The following GLDN variants were observed in gnomAD, a reference collection of about 807,000 sequenced individuals.
GLDN encodes collomin.
GLDN carries 47 observed loss-of-function variants against 56.5 expected under a neutral mutation model. The observed-to-expected ratio is 0.83, with a 90% CI of 0.66 to 1.06. The LOEUF (loss-of-function observed/expected upper bound fraction) is 1.06, where lower values mean the gene tolerates loss of function less well. Ranked by LOEUF, GLDN falls within the 50% of genes least tolerant of loss-of-function variation. GLDN has a pLI of 0.00. For synonymous variants in GLDN, 332 were observed against 278.8 expected, an observed-to-expected ratio of 1.19 and a Z score of -1.90; for missense variants, 782 against 714.3, an observed-to-expected ratio of 1.09 and a Z score of -1.08.
intron 1 of GLDN, among the ~76,000 whole-genome samples, chr15:51,363,654 A>G (rs901563348): frequency 2.6e-5 from 4 of 152,192 alleles, no homozygotes; most frequent in East Asian, 3.9e-4. Context: ...AATAGATAAT[A>G]GGACCCTAAG....
chr15:51,361,242 C>T (rs551387135), intron 1 of GLDN, among the ~76,000 whole-genome samples: 2 of 152,330 alleles, frequency 1.3e-5, no homozygotes, highest in South Asian at 4.1e-4. Context: ...TGTCATACAA[C>T]TCAAACTTTG....
intron 9 of GLDN, 113 bp downstream of exon 9, chr15:51,401,856 GC>G (rs1023700287): frequency 5.5e-6 from 5 of 914,646 alleles, no homozygotes; most frequent in Non-Finnish European, 8.2e-6. Context: ...TGTCCCTAGG[GC>G]TGACACACTG....
chr15:51,377,623 A>C lies in GLDN; in HGVS notation c.415+123A>C, dbSNP rs546080105. ...ATACATGTTGGTTTACTTTTACCAG[A>C]TGTTTTTAATGAGCTGAAAACCCAT... is the stretch of plus-strand genomic sequence containing the variant. On this transcript the variant is annotated intron_variant, in intron 2 of 9. Transcript: ENST00000335449. The C allele has an allele frequency of 9.5e-6, 6 of 633,586 alleles. No individual in the cohort carries two copies. In the South Asian group the frequency reaches 1.1e-4, roughly 11 times the overall value. The allele number at this position is 633,586 out of a possible 1,614,324, so 39.2% of individuals were successfully genotyped here. A position where few individuals can be genotyped will look rare whatever the true frequency, so the allele number is the denominator to read the frequency against.
intron 1 of GLDN, among the ~76,000 whole-genome samples, chr15:51,375,290 T>C (rs1196572174): frequency 1.3e-5 from 2 of 152,158 alleles, no homozygotes; most frequent in Non-Finnish European, 2.9e-5. Flanking sequence ...TTAGTACAGC[T>C]CCCTTCCACC....
chr15:51,355,003 G>A (rs2037146944), intron 1 of GLDN, among the ~76,000 whole-genome samples: 1 of 152,210 alleles, frequency 6.6e-6, no homozygotes, highest in African/African-American at 2.4e-5. Flanking sequence ...CAAAAGAGAA[G>A]CTTGAATTAA....
At chr15:51,361,807 G>A (rs1307623087) in intron 1 of GLDN, among the ~76,000 whole-genome samples, 1 of 152,170 alleles carries the variant, frequency 6.6e-6, no homozygotes, top group Non-Finnish European at 1.5e-5. Context: ...GCGCATGCTT[G>A]TAATTCCAGC....
At chr15:51,353,714 TA>T (rs1555401993) in intron 1 of GLDN, among the ~76,000 whole-genome samples, 3,097 of 72,112 alleles carry the variant, frequency 0.043, 125 homozygotes, top group African/African-American at 0.12. Context: ...CGGATTTGAT[TA>T]AAAAAAAAAA....
chr15:51,358,770 A>C (rs2037235171), intron 1 of GLDN, among the ~76,000 whole-genome samples: 1 of 152,136 alleles, frequency 6.6e-6, no homozygotes, highest in South Asian at 2.1e-4. Flanking sequence ...TTGACCCTCA[A>C]ATGCTGAAGA....
At position 51,394,612 on chromosome 15, in the gene GLDN, CAATA is replaced by C. The variant is rs142890346; in HGVS notation, c.542-197_542-194del. On this transcript the variant is annotated intron_variant, in intron 4 of 9. Coordinates refer to ENST00000335449, the MANE Select transcript of GLDN (RefSeq NM_181789.4). ...TGGGTGACAGAGCCAGAGTCCATCTCAATAAATAAATAAATAAATAAATAAATAA... is the reference window on the plus strand; with the variant it reads ...TGGGTGACAGAGCCAGAGTCCATCTCAATAAATAAATAAATAAATAAATAA... Among the ~76,000 whole-genome samples, 6,037 of 151,488 alleles carry C rather than the reference CAATA, an allele frequency of 0.04. 206 individuals are homozygous for C. Among genetic ancestry groups the C allele is most frequent in the African/African-American group, 0.098 (4,043 of 41,198 alleles).
At chr15:51,380,693 C>T (rs11637454) in intron 2 of GLDN, among the ~76,000 whole-genome samples, 3 of 152,226 alleles carry the variant, frequency 2.0e-5, no homozygotes, top group African/African-American at 7.2e-5. Flanking sequence ...ATTTCCTCCT[C>T]CAAGTGTCTT....
At chr15:51,366,785 ACTGTG>A (rs2037411310) in intron 1 of GLDN, among the ~76,000 whole-genome samples, 1 of 152,020 alleles carries the variant, frequency 6.6e-6, no homozygotes. Context: ...GTGGCACGTG[ACTGTG>A]GTCCCAGCCA....
At chr15:51,387,763 C>G (rs749132453) in intron 4 of GLDN, among the ~76,000 whole-genome samples, 3 of 152,102 alleles carry the variant, frequency 2.0e-5, no homozygotes, top group Non-Finnish European at 4.4e-5. Flanking sequence ...AGCCTGTGTT[C>G]TATTGAGTTA....
intron 6 of GLDN, among the ~76,000 whole-genome samples, chr15:51,397,847 C>T (rs193178105): frequency 5.5e-4 from 84 of 152,302 alleles, no homozygotes; most frequent in African/African-American, 2.0e-3. Flanking sequence ...CATTTACCAG[C>T]AGACCAGTCC....
Position 51,404,482 on chromosome 15 carries a change from C to T in GLDN, c.1384C>T (p.His462Tyr). The change falls in exon 10 of 10, where the codon CAC becomes TAC. Residue 462 changes from histidine (H) to tyrosine (Y), a missense_variant. Transcript: ENST00000335449. ...LDERTFSVVQ[H>Y]VNTTYPKSKA... The stretch of plus-strand genomic sequence containing the variant: ...TGAGAGGACATTCTCAGTGGTGCAA[C>T]ACGTCAATACCACGTACCCTAAATC... 6.2e-7 allele frequency: 1 copy of T among 1,614,148 alleles called. No homozygotes were observed. Among genetic ancestry groups the T allele is most frequent in the Non-Finnish European group, 8.5e-7 (1 of 1,180,026 alleles).
intron 1 of GLDN, among the ~76,000 whole-genome samples, chr15:51,349,651 A>C (rs981214619): frequency 6.6e-6 from 1 of 152,214 alleles, no homozygotes; most frequent in African/African-American, 2.4e-5. Context: ...GTGACCCACA[A>C]AGCCTAAAAT....
At chr15:51,342,202 G>A (rs1595795920) in intron 1 of GLDN, 155 bp downstream of exon 1, 1 of 918,740 alleles carries the variant, frequency 1.1e-6, no homozygotes, top group Non-Finnish European at 1.6e-6. Flanking sequence ...ACCTTGGCAA[G>A]CACCTCAACC....
chr15:51,352,619 T>C (rs2037096562), intron 1 of GLDN, among the ~76,000 whole-genome samples: 1 of 152,218 alleles, frequency 6.6e-6, no homozygotes, highest in Admixed American at 6.5e-5. Context: ...ACCTAAATCA[T>C]CTTGGCATTG....
At chr15:51,349,388 T>C (rs1303732041) in intron 1 of GLDN, among the ~76,000 whole-genome samples, 2 of 152,272 alleles carry the variant, frequency 1.3e-5, no homozygotes, top group Non-Finnish European at 2.9e-5. Context: ...CTATGGCCTG[T>C]AGGCCAAGTC....
chr15:51,379,416 A>G (rs1219684697), intron 2 of GLDN, among the ~76,000 whole-genome samples: 2 of 152,236 alleles, frequency 1.3e-5, no homozygotes, highest in African/African-American at 4.8e-5. Flanking sequence ...GGGCAGAAGC[A>G]CTACACATTC....
Sources: allele counts gnomAD v4.1 joint callset (sites outside exome capture counted in the v4.1 genomes callset), GRCh38; gene constraint gnomAD v4.1.1; transcripts MANE v1.5; gene names NCBI Gene and HGNC (gene_info 2026-07-23, HGNC 2026-07-21).